The following CEP63 variants were observed in gnomAD, a reference collection of about 807,000 sequenced individuals.
CEP63 encodes centrosomal protein 63, also known as centrosomal protein of 63 kDa.
CEP63 carries 84 observed loss-of-function variants against 89.1 expected under a neutral mutation model. That is an observed-to-expected ratio of 0.94 (90% CI 0.79 to 1.13). The LOEUF is 1.13. CEP63 is among the 50% of genes most tolerant of loss of function. The probability of loss-of-function intolerance (pLI) is 0.00; values close to 1 mark genes in which losing one functional copy is unlikely to be tolerated. For synonymous variants in CEP63, 267 were observed against 272.5 expected, an observed-to-expected ratio of 0.98 and a Z score of 0.20; for missense variants, 838 against 813.3, an observed-to-expected ratio of 1.03 and a Z score of -0.37.
At chr3:134,571,848 A>G (rs1010493316) in intron 11 of CEP63, among the ~76,000 whole-genome samples, 4 of 152,256 alleles carry the variant, frequency 2.6e-5, no homozygotes, top group African/African-American at 9.6e-5. Context: ...TGGCAGGTCT[A>G]TCACCTACCA....
intron 12 of CEP63, among the ~76,000 whole-genome samples, chr3:134,554,372 T>C (rs1224608271): frequency 6.7e-6 from 1 of 149,398 alleles, no homozygotes; most frequent in Admixed American, 6.7e-5. Context: ...CTGAGAATGA[T>C]GATTTCCAAT....
chr3:134,570,655 C>G (rs891249212), intron 11 of CEP63, among the ~76,000 whole-genome samples: 4 of 152,244 alleles, frequency 2.6e-5, no homozygotes, highest in African/African-American at 9.6e-5. Flanking sequence ...CTGAGCCCTC[C>G]AAGCTGTTCC....
At chr3:134,594,971 C>CA in the CEP63 span, among the ~76,000 whole-genome samples, 1 of 152,190 alleles carries the variant, frequency 6.6e-6, no homozygotes, top group African/African-American at 2.4e-5. Context: ...AGGAGGCCCC[C>CA]AGCACATCCT....
the CEP63 span, among the ~76,000 whole-genome samples, chr3:134,767,831 A>G: frequency 6.6e-6 from 1 of 152,120 alleles, no homozygotes; most frequent in African/African-American, 2.4e-5. Context: ...AATGGAGGAG[A>G]TAGGTGCAGA....
the CEP63 span, among the ~76,000 whole-genome samples, chr3:134,716,914 C>T: frequency 6.6e-6 from 1 of 152,208 alleles, no homozygotes; most frequent in Non-Finnish European, 1.5e-5. Flanking sequence ...ATGACAAACT[C>T]AGGCTGCTGG....
downstream of CEP63, among the ~76,000 whole-genome samples, chr3:134,590,975 T>C (rs542100114): frequency 6.6e-6 from 1 of 152,348 alleles, no homozygotes; most frequent in Admixed American, 6.5e-5. Context: ...GAATTCCCTT[T>C]GTCTCTTCTT....
chr3:134,690,050 A>T, the CEP63 span, among the ~76,000 whole-genome samples: 4 of 152,378 alleles, frequency 2.6e-5, no homozygotes, highest in African/African-American at 9.6e-5. Context: ...AGAATCAGGT[A>T]ATAAGGAAAG....
the CEP63 span, among the ~76,000 whole-genome samples, chr3:134,754,332 C>A: frequency 6.6e-6 from 1 of 152,258 alleles, no homozygotes; most frequent in African/African-American, 2.4e-5. Context: ...CCCATATTCG[C>A]CCGCCAGGAA....
the CEP63 span, among the ~76,000 whole-genome samples, chr3:134,705,723 C>T: frequency 6.6e-6 from 1 of 152,188 alleles, no homozygotes; most frequent in South Asian, 2.1e-4. Context: ...CTCACCTGTA[C>T]TTGGGCCTGA....
the CEP63 span, among the ~76,000 whole-genome samples, chr3:134,598,710 A>G: frequency 2.0e-5 from 3 of 152,236 alleles, no homozygotes; most frequent in South Asian, 2.1e-4. Context: ...AGTGACTGCC[A>G]TGAGTCTAAC....
the CEP63 span, among the ~76,000 whole-genome samples, chr3:134,617,800 G>A: frequency 3.9e-5 from 6 of 152,158 alleles, no homozygotes; most frequent in African/African-American, 1.4e-4. Flanking sequence ...GAGCAGGTGT[G>A]CATGCAGAGG....
At chr3:134,604,598 G>A in the CEP63 span, 25 of 797,604 alleles carry the variant, frequency 3.1e-5, no homozygotes, top group African/African-American at 2.9e-4. Flanking sequence ...CTATTTCCAC[G>A]GTGTTAATAC....
intron 12 of CEP63, among the ~76,000 whole-genome samples, chr3:134,555,252 A>T: frequency 6.6e-6 from 1 of 152,104 alleles, no homozygotes; most frequent in Non-Finnish European, 1.5e-5. Flanking sequence ...TATTCAACAT[A>T]CTGTTGGAAG....
the CEP63 span, among the ~76,000 whole-genome samples, chr3:134,669,506 G>A: frequency 1.3e-5 from 2 of 152,206 alleles, no homozygotes; most frequent in East Asian, 3.9e-4. Context: ...CAGCTGGTTG[G>A]CATAGTATGG....
chr3:134,706,648 C>T, the CEP63 span, among the ~76,000 whole-genome samples: 1 of 152,118 alleles, frequency 6.6e-6, no homozygotes, highest in Non-Finnish European at 1.5e-5. Context: ...TTCCTAGGGC[C>T]GCCTTAACAA....
chr3:134,604,499 C>T, the CEP63 span: 1 of 1,583,180 alleles, frequency 6.3e-7, no homozygotes, highest in Non-Finnish European at 8.6e-7. Context: ...TCAGGGTCAG[C>T]AGAGATGGGT....
intron 1 of CEP63, 102 bp downstream of exon 1, chr3:134,486,304 C>A: frequency 1.0e-6 from 1 of 985,564 alleles, no homozygotes; most frequent in Non-Finnish European, 1.2e-6. Context: ...CTGGAGGCGG[C>A]CCAGGCTGCC....
chr3:134,553,640 T>C (rs1247076490), intron 12 of CEP63: 1 of 152,198 alleles, frequency 6.6e-6, no homozygotes, highest in African/African-American at 2.4e-5. Context: ...AACTAATATA[T>C]AGCCAGTGTT....
the CEP63 span, among the ~76,000 whole-genome samples, chr3:134,654,213 TC>T: frequency 6.6e-6 from 1 of 152,270 alleles, no homozygotes; most frequent in East Asian, 1.9e-4. Flanking sequence ...GGTTCTGCTG[TC>T]TTGGAGATAA....
Sources: gnomAD v4.1 joint callset for allele counts (sites outside exome capture counted in the v4.1 genomes callset) on GRCh38, gnomAD v4.1.1 for gene constraint, MANE v1.5 for transcripts, NCBI Gene and HGNC (gene_info 2026-07-23, HGNC 2026-07-21) for gene names.